Variants in COL9A1 observed in about 807,000 individuals in gnomAD.
COL9A1 encodes the protein collagen type IX alpha 1 chain, also known as collagen alpha-1(IX) chain.
A neutral mutation model predicts 142.6 loss-of-function variants in COL9A1; 104 were observed. The observed-to-expected ratio is 0.73, with a 90% CI of 0.62 to 0.86. The LOEUF (loss-of-function observed/expected upper bound fraction) is 0.86. Among genes scored for constraint, COL9A1 ranks in the 40% least tolerant of loss-of-function variants. COL9A1 has a pLI of 0.00. For missense variants in COL9A1, 1,210 were observed against 1,176.6 expected, an observed-to-expected ratio of 1.03 and a Z score of -0.42; for synonymous variants, 466 against 396.0, an observed-to-expected ratio of 1.18 and a Z score of -2.10.
intron 37 of COL9A1, among the ~76,000 whole-genome samples, chr6:70,224,458 A>G (rs1769098013): frequency 6.6e-6 from 1 of 152,256 alleles, no homozygotes; most frequent in African/African-American, 2.4e-5. Context: ...CCTATAAACC[A>G]TAATACATTT....
intron 19 of COL9A1, among the ~76,000 whole-genome samples, chr6:70,261,975 A>T (rs1483148589): frequency 6.6e-6 from 1 of 152,180 alleles, no homozygotes; most frequent in African/African-American, 2.4e-5. Flanking sequence ...AAATAGCAGG[A>T]GGTAATCAAG....
At chr6:70,283,330 CG>C (rs1773295578) in intron 6 of COL9A1, 1 of 1,142,170 alleles carries the variant, frequency 8.8e-7, no homozygotes, top group Non-Finnish European at 1.2e-6. Context: ...GCCGCACAGG[CG>C]AGGACTGAGC....
At chr6:70,234,374 T>C (rs144513653) in intron 35 of COL9A1, among the ~76,000 whole-genome samples, 165 bp downstream of exon 35, 312 of 152,242 alleles carry the variant, frequency 2.0e-3, no homozygotes, top group Non-Finnish European at 3.3e-3. Context: ...CTATTGTGGA[T>C]GCCAATAGTT....
intron 37 of COL9A1, among the ~76,000 whole-genome samples, chr6:70,217,966 C>A (rs1168129780): frequency 6.6e-6 from 1 of 152,046 alleles, no homozygotes; most frequent in Non-Finnish European, 1.5e-5. Flanking sequence ...AATGGTGAAA[C>A]CTCATTTCTA....
At chr6:70,235,447 C>T (rs575706318) in intron 33 of COL9A1, among the ~76,000 whole-genome samples, 5 of 151,950 alleles carry the variant, frequency 3.3e-5, no homozygotes, top group Admixed American at 6.5e-5. Context: ...AGTAAGACTC[C>T]GTCTCAAAAA....
chr6:70,263,532 C>T (rs1284511739), intron 18 of COL9A1, among the ~76,000 whole-genome samples: 1 of 151,760 alleles, frequency 6.6e-6, no homozygotes, highest in African/African-American at 2.4e-5. Context: ...TATAAAATAC[C>T]AGTAACATTT....
At chr6:70,289,508 G>T (rs1335820637) in intron 5 of COL9A1, among the ~76,000 whole-genome samples, 2 of 152,116 alleles carry the variant, frequency 1.3e-5, no homozygotes, top group African/African-American at 2.4e-5. Flanking sequence ...AGCTGAGGTT[G>T]TTAATGTGGT....
intron 14 of COL9A1, among the ~76,000 whole-genome samples, chr6:70,271,400 G>A (rs2127590533): frequency 6.6e-6 from 1 of 152,282 alleles, no homozygotes; most frequent in Admixed American, 6.5e-5. Flanking sequence ...TCTGTAAAAT[G>A]AGGACGACAC....
At chr6:70,295,281 CT>C (rs1171549562) in intron 4 of COL9A1, among the ~76,000 whole-genome samples, 98 of 63,162 alleles carry the variant, frequency 1.6e-3, no homozygotes, top group Middle Eastern at 0.013. Flanking sequence ...GTTGTTGCTT[CT>C]TTTTTTTTTT....
chr6:70,280,749 C>T, intron 10 of COL9A1, 63 bp downstream of exon 10: 2 of 1,529,132 alleles, frequency 1.3e-6, no homozygotes, highest in Admixed American at 1.9e-5. Context: ...CCACAAAACA[C>T]ACACTTACTC....
At chr6:70,263,135 G>C in intron 19 of COL9A1, 109 bp downstream of exon 19, 1 of 848,804 alleles carries the variant, frequency 1.2e-6, no homozygotes, top group Non-Finnish European at 1.8e-6. Flanking sequence ...AGGACACCAA[G>C]TTCATGTAAT....
chr6:70,252,168 T>A lies in COL9A1; in HGVS notation c.1824A>T (p.Gln608His). 6.2e-7 allele frequency: 1 copy of A among 1,614,200 alleles called. No individual in the cohort carries two copies. The change falls in exon 28 of 38, where the codon CAA becomes CAT. Residue 608 changes from glutamine (Q) to histidine (H), a missense_variant. By Grantham distance (24) the Gln-to-His change is conservative. Transcript: ENST00000357250. ...GQMGNSGKPG[Q>H]QGPPGEVGPR... ...GTCCCACCTCTCCTGGAGGCCCCTG[T>A]TGGCCCTGTTATCAGGAAGGAAGGT...
chr6:70,246,197 T>A (rs1447264027), intron 28 of COL9A1: 2 of 152,018 alleles, frequency 1.3e-5, no homozygotes, highest in Non-Finnish European at 2.9e-5. Flanking sequence ...GTCAAACCCC[T>A]GTCTCTACAA....
chr6:70,223,090 G>A (rs1006807376), intron 37 of COL9A1, among the ~76,000 whole-genome samples: 2 of 152,146 alleles, frequency 1.3e-5, no homozygotes. Context: ...AGACTTTCAT[G>A]GAGGGAAGGT....
intron 33 of COL9A1, among the ~76,000 whole-genome samples, chr6:70,236,525 A>G (rs1281112736): frequency 2.0e-5 from 3 of 152,242 alleles, no homozygotes; most frequent in Non-Finnish European, 4.4e-5. Flanking sequence ...TCTTTTTCAT[A>G]TGCATCATTT....
intron 10 of COL9A1, among the ~76,000 whole-genome samples, chr6:70,275,383 C>A (rs1772690156): frequency 6.6e-6 from 1 of 152,062 alleles, no homozygotes; most frequent in Admixed American, 6.6e-5. Flanking sequence ...TGAAAGCATG[C>A]ATGTTTCTAC....
chr6:70,268,660 C>T, intron 17 of COL9A1, 144 bp downstream of exon 17: 1 of 723,642 alleles, frequency 1.4e-6, no homozygotes, highest in South Asian at 1.5e-5. Context: ...ATGTCAAGGG[C>T]AACTGGAATT....
chr6:70,273,801 A>G (rs933001032), intron 12 of COL9A1, among the ~76,000 whole-genome samples: 3 of 152,146 alleles, frequency 2.0e-5, no homozygotes, highest in Admixed American at 6.5e-5. Flanking sequence ...AATAGAATAT[A>G]TATTTTCTAC....
intron 37 of COL9A1, among the ~76,000 whole-genome samples, chr6:70,217,417 A>G (rs1349777896): frequency 6.6e-6 from 1 of 152,202 alleles, no homozygotes; most frequent in African/African-American, 2.4e-5. Context: ...GAGATGAACT[A>G]AGGATCAAAC....
Sources: gnomAD v4.1 joint callset for allele counts (sites outside exome capture counted in the v4.1 genomes callset) on GRCh38, gnomAD v4.1.1 for gene constraint, MANE v1.5 for transcripts, NCBI Gene and HGNC (gene_info 2026-07-23, HGNC 2026-07-21) for gene names.